The following UPF3A variants were observed in gnomAD, a reference collection of about 807,000 sequenced individuals.
UPF3A encodes UPF3A regulator of nonsense mediated mRNA decay.
UPF3A carries 42 observed loss-of-function variants against 53.5 expected under a neutral mutation model. The ratio of observed to expected loss-of-function variants is 0.78; its 90% CI spans 0.61 to 1.01. UPF3A has a LOEUF of 1.01. Ranked by LOEUF, UPF3A falls within the 50% of genes least tolerant of loss-of-function variation. The probability of loss-of-function intolerance (pLI) is 0.00; values close to 1 mark genes in which losing one functional copy is unlikely to be tolerated. For missense variants in UPF3A, 575 were observed against 598.0 expected (o/e 0.96, Z 0.40); for synonymous variants, 237 against 225.3 (o/e 1.05, Z -0.47).
chr13:114,299,555 A>G (rs532914575), intron 8 of UPF3A, among the ~76,000 whole-genome samples: 8 of 152,328 alleles, frequency 5.3e-5, no homozygotes, highest in Admixed American at 3.9e-4. Flanking sequence ...TTGGCTGTGC[A>G]CTGTGGGTCC....
chr13:114,283,080 C>T, intron 3 of UPF3A, 137 bp downstream of exon 3: 1 of 651,318 alleles, frequency 1.5e-6, no homozygotes, highest in Non-Finnish European at 2.5e-6. Context: ...TGGAGTGCAG[C>T]AGCCGCAATC....
At chr13:114,302,577 C>T (rs2086690966) in intron 9 of UPF3A, among the ~76,000 whole-genome samples, 3 of 152,154 alleles carry the variant, frequency 2.0e-5, no homozygotes. Context: ...ACCCTGGCCT[C>T]CTAGCAAACT....
In UPF3A at chr13:114,281,783, G is replaced by C. The variant is rs201865453; in HGVS notation, c.144G>C (p.Ser48=). The C allele has an allele frequency of 1.6e-5, 25 of 1,556,662 alleles. No individual in the cohort carries two copies. The highest frequency in any genetic ancestry group is 2.0e-5 in the Non-Finnish European group (23 of 1,151,252). The change falls in exon 1 of 10, where the codon TCG becomes TCC. Residue 48 remains serine (S), a synonymous_variant. Coordinates refer to ENST00000375299, the MANE Select transcript of UPF3A (RefSeq NM_023011.4). ...QQQEAETPPT[S]SSGCGGGAGK... ...AGGAGGCTGAGACGCCGCCAACTTC[G>C]TCCTCCGGTTGCGGGGGCGGTGCGG...
At chr13:114,303,880 C>G (rs1324094062) in intron 9 of UPF3A, among the ~76,000 whole-genome samples, 3 of 152,208 alleles carry the variant, frequency 2.0e-5, no homozygotes, top group African/African-American at 7.2e-5. Context: ...TCCCATTGGT[C>G]AGGTTCATAC....
intron 7 of UPF3A, among the ~76,000 whole-genome samples, chr13:114,296,252 G>A (rs9590412): frequency 0.34 from 52,054 of 151,844 alleles, 9,270 homozygotes; most frequent in African/African-American, 0.44. Flanking sequence ...GCATGGTGGC[G>A]CATGCCTGTA....
intron 8 of UPF3A, among the ~76,000 whole-genome samples, chr13:114,299,292 AT>A (rs2086365294): frequency 6.6e-6 from 1 of 151,806 alleles, no homozygotes; most frequent in Non-Finnish European, 1.5e-5. Context: ...CTGCTGTTGC[AT>A]GTCAGGTCTT....
chr13:114,286,608 G>A lies in UPF3A; in HGVS notation c.610G>A (p.Ala204Thr). 6.2e-7 allele frequency: 1 copy of A among 1,613,394 alleles called. No homozygotes were observed. Among genetic ancestry groups the A allele is most frequent in the Non-Finnish European group, 8.5e-7 (1 of 1,179,662 alleles). The stretch of plus-strand genomic sequence containing the variant: ...TGAGACTCTGCTGGGGGAGATGGAG[G>A]CGAAGACAAGAGAGCTCATTGGTCT... ...NPETLLGEME[A>T]KTRELIARRT... The change falls in exon 5 of 10, where the codon GCG (alanine) becomes ACG (threonine). Residue 204 changes from alanine (A) to threonine (T), a missense_variant. Ala to Thr is a moderately conservative substitution (Grantham distance 58, BLOSUM62 0). Around this residue, in one of 2 missense-constraint regions of UPF3A, gnomAD observed 323 missense variants for 415.2 expected, o/e 0.78. Transcript: ENST00000375299.
At chr13:114,299,786 C>T (rs1007300784) in intron 8 of UPF3A, among the ~76,000 whole-genome samples, 1 of 152,226 alleles carries the variant, frequency 6.6e-6, no homozygotes, top group African/African-American at 2.4e-5. Context: ...CCACTCACTG[C>T]CTCTCGCCAC....
intron 7 of UPF3A, among the ~76,000 whole-genome samples, chr13:114,293,864 A>G (rs544294196): frequency 4.6e-4 from 70 of 152,224 alleles, no homozygotes; most frequent in African/African-American, 1.3e-3. Context: ...GCTCATTCCT[A>G]TAATCTCAGG....
At chr13:114,291,927 C>G in intron 7 of UPF3A, 135 bp downstream of exon 7, 3 of 1,194,180 alleles carry the variant, frequency 2.5e-6, no homozygotes, top group Non-Finnish European at 3.4e-6. Flanking sequence ...TTTTTTCCAT[C>G]TTTTCCATCT....
intron 7 of UPF3A, among the ~76,000 whole-genome samples, chr13:114,295,894 A>G (rs778934629): frequency 5.9e-5 from 9 of 152,138 alleles, no homozygotes; most frequent in Admixed American, 2.0e-4. Context: ...TGCCAATGAG[A>G]GGACTAGGGG....
At chr13:114,304,230 C>G (rs562639495) in intron 9 of UPF3A, among the ~76,000 whole-genome samples, 1 of 152,260 alleles carries the variant, frequency 6.6e-6, no homozygotes, top group African/African-American at 2.4e-5. Flanking sequence ...CTGACACTAG[C>G]CTTCAGGGCC....
intron 5 of UPF3A, chr13:114,287,208 A>G (rs1000899322): frequency 6.5e-6 from 1 of 153,376 alleles, no homozygotes; most frequent in African/African-American, 2.4e-5. Context: ...AAAATCAGGC[A>G]AACTGTTGTT....
chr13:114,281,899 T>TGGAAGGAGGGGAGGGAGG, intron 1 of UPF3A, 53 bp downstream of exon 1: 1 of 615,758 alleles, frequency 1.6e-6, no homozygotes, highest in East Asian at 3.5e-5. Flanking sequence ...CGGCCCTGAG[T>TGGAAGGAGGGGAGGGAGG]GGAGGGAGGG....
intron 8 of UPF3A, among the ~76,000 whole-genome samples, chr13:114,300,157 A>G (rs889201268): frequency 6.6e-6 from 1 of 152,188 alleles, no homozygotes; most frequent in Non-Finnish European, 1.5e-5. Context: ...GCCCTGGCAA[A>G]TGAGCGAAGC....
At chr13:114,284,385 G>T (rs1377991476) in intron 3 of UPF3A, among the ~76,000 whole-genome samples, 1 of 131,828 alleles carries the variant, frequency 7.6e-6, no homozygotes, top group Non-Finnish European at 1.8e-5. Flanking sequence ...GTATGTATAT[G>T]TGTGTGTGTG....
intron 7 of UPF3A, among the ~76,000 whole-genome samples, chr13:114,294,196 C>T (rs1194280838): frequency 6.6e-6 from 1 of 151,044 alleles, no homozygotes; most frequent in Non-Finnish European, 1.5e-5. Flanking sequence ...TGGAGAAATG[C>T]AAAAGAAGGT....
intron 7 of UPF3A, among the ~76,000 whole-genome samples, chr13:114,294,781 C>A (rs572179805): frequency 1.3e-5 from 2 of 151,316 alleles, no homozygotes; most frequent in Non-Finnish European, 2.9e-5. Flanking sequence ...GCTGAGATCA[C>A]GCCACTGCAC....
intron 8 of UPF3A, among the ~76,000 whole-genome samples, chr13:114,300,499 G>C (rs538829003): frequency 6.6e-6 from 1 of 152,038 alleles, no homozygotes; most frequent in South Asian, 2.1e-4. Flanking sequence ...CTCCCAAGTA[G>C]CTGGGATTAC....
Sources: gnomAD v4.1 joint callset for allele counts (sites outside exome capture counted in the v4.1 genomes callset) on GRCh38, gnomAD v4.1.1 for gene constraint, gnomAD v4.1.1 regional missense constraint, MANE v1.5 for transcripts, NCBI Gene and HGNC (gene_info 2026-07-23, HGNC 2026-07-21) for gene names.